TTC27: variants seen among roughly 807,000 people sequenced by gnomAD.
TTC27 encodes tetratricopeptide repeat domain 27.
A neutral mutation model predicts 115.9 loss-of-function variants in TTC27; 79 were observed. The ratio of observed to expected loss-of-function variants is 0.68; its 90% confidence interval spans 0.57 to 0.82. TTC27 has a LOEUF of 0.82. Ranked by LOEUF, TTC27 falls within the 40% of genes least tolerant of loss-of-function variation. The probability of loss-of-function intolerance (pLI) is 0.00; values close to 1 mark genes in which losing one functional copy is unlikely to be tolerated. For synonymous variants in TTC27, 401 were observed against 356.0 expected, an observed-to-expected ratio of 1.13 and a Z score of -1.42; for missense variants, 1,054 against 993.1, an observed-to-expected ratio of 1.06 and a Z score of -0.82.
At chr2:32,739,337 A>G (rs1022473317) in intron 12 of TTC27, among the ~76,000 whole-genome samples, 19 of 152,130 alleles carry the variant, frequency 1.2e-4, no homozygotes, top group Admixed American at 4.6e-4. Flanking sequence ...TGCTCAAAGC[A>G]TATTTTAGAA....
At chr2:32,800,465 G>GC (rs1210761323) in intron 16 of TTC27, among the ~76,000 whole-genome samples, 1 of 151,836 alleles carries the variant, frequency 6.6e-6, no homozygotes, top group African/African-American at 2.4e-5. Flanking sequence ...ACAGGCGTGA[G>GC]CCACTGCACC....
chr2:32,805,300 T>A (rs956723152), intron 16 of TTC27, among the ~76,000 whole-genome samples: 7 of 152,226 alleles, frequency 4.6e-5, no homozygotes, highest in Non-Finnish European at 7.3e-5. Flanking sequence ...GGGCTATATA[T>A]GTAAGAGGTG....
chr2:32,719,419 A>G (rs896226144), intron 10 of TTC27, among the ~76,000 whole-genome samples: 3 of 152,222 alleles, frequency 2.0e-5, no homozygotes, highest in African/African-American at 4.8e-5. Flanking sequence ...TGGGAAACTT[A>G]TATTAGCTCT....
At chr2:32,755,084 C>T (rs1460468755) in intron 12 of TTC27, among the ~76,000 whole-genome samples, 1 of 151,822 alleles carries the variant, frequency 6.6e-6, no homozygotes, top group East Asian at 1.9e-4. Context: ...CAGAGACGCT[C>T]CTCACTTCCT....
chr2:32,647,606 C>T (rs913774274), intron 4 of TTC27, among the ~76,000 whole-genome samples: 3 of 152,140 alleles, frequency 2.0e-5, no homozygotes, highest in Admixed American at 6.6e-5. Flanking sequence ...ACTTTAGAAG[C>T]GAACCAGGCT....
chr2:32,798,316 A>T (rs1460629362), intron 16 of TTC27, among the ~76,000 whole-genome samples: 9 of 149,638 alleles, frequency 6.0e-5, no homozygotes, highest in Admixed American at 6.0e-4. Flanking sequence ...AGGAGAATGG[A>T]GTGGACCCAG....
At chr2:32,653,118 A>G (rs913723081) in intron 5 of TTC27, among the ~76,000 whole-genome samples, 2 of 152,208 alleles carry the variant, frequency 1.3e-5, no homozygotes, top group Non-Finnish European at 2.9e-5. Flanking sequence ...TGATCATGGC[A>G]TCCAGTGCTG....
chr2:32,811,350 T>G lies in TTC27; in HGVS notation c.2196+129T>G, dbSNP rs531985005. The G allele has an allele frequency of 2.4e-5, 21 of 860,166 alleles. No homozygotes were observed. In the African/African-American group the frequency reaches 3.4e-4, roughly 14 times the overall value. The allele number at this position is 860,166 out of a possible 1,614,324, so 53.3% of individuals were successfully genotyped here. A position where few individuals can be genotyped will look rare whatever the true frequency, so the allele number is the denominator to read the frequency against. On this transcript the variant is annotated intron_variant, in intron 17 of 19. Coordinates refer to ENST00000317907, the MANE Select transcript of TTC27 (RefSeq NM_017735.5). ...AGATTAGTATGCTTAAGTTCAGTTC[T>G]GATTCAGTCTTTAACCTACGTACTT...
At chr2:32,686,106 A>G (rs1666619655) in intron 9 of TTC27, among the ~76,000 whole-genome samples, 1 of 152,224 alleles carries the variant, frequency 6.6e-6, no homozygotes, top group African/African-American at 2.4e-5. Context: ...TAAATCAAAT[A>G]TTTACAAATA....
intron 12 of TTC27, among the ~76,000 whole-genome samples, chr2:32,744,139 T>G (rs1668738506): frequency 6.6e-6 from 1 of 152,238 alleles, no homozygotes; most frequent in South Asian, 2.1e-4. Flanking sequence ...GATAAAAGTA[T>G]GTACAGATTC....
rs1668371014 is a variant in TTC27 at position 32,733,853 on chromosome 2, A to C, written c.1259A>C (p.Lys420Thr). The change falls in exon 11 of 20, where the codon AAA (lysine) becomes ACA (threonine). Residue 420 changes from lysine (K) to threonine (T), a missense_variant. Transcript: ENST00000317907. Reference protein sequence around the residue: ...TQALADQFEDKTTSVLERLKI... With the variant: ...TQALADQFEDTTTSVLERLKI... ...GCTCTTGCAGACCAATTTGAAGATA[A>C]AACTACATCTGTATTGGAACGCCTG... The C allele has an allele frequency of 6.2e-7, 1 of 1,611,310 alleles. No homozygotes were observed. The highest frequency in any genetic ancestry group is 1.1e-5 in the South Asian group (1 of 90,668).
chr2:32,652,642 C>G (rs1318067090), intron 5 of TTC27, among the ~76,000 whole-genome samples: 1 of 152,116 alleles, frequency 6.6e-6, no homozygotes, highest in Non-Finnish European at 1.5e-5. Context: ...TTCAGTTTAT[C>G]TAGTCATAAA....
intron 13 of TTC27, among the ~76,000 whole-genome samples, chr2:32,763,490 A>G (rs1449940754): frequency 2.0e-5 from 3 of 152,244 alleles, no homozygotes; most frequent in African/African-American, 4.8e-5. Context: ...TCTAAAGTCA[A>G]ATTGGTATAA....
intron 13 of TTC27, among the ~76,000 whole-genome samples, chr2:32,769,954 A>G (rs950253473): frequency 2.0e-5 from 3 of 152,184 alleles, no homozygotes; most frequent in South Asian, 4.1e-4. Flanking sequence ...GTGCCTGGCA[A>G]TGCTTTTGGG....
intron 2 of TTC27, among the ~76,000 whole-genome samples, chr2:32,632,283 A>G (rs1420433886): frequency 6.6e-6 from 1 of 150,984 alleles, no homozygotes; most frequent in East Asian, 1.9e-4. Flanking sequence ...TGTGGGGATT[A>G]TAGGCATGAG....
At chr2:32,750,583 T>A (rs551040604) in intron 12 of TTC27, among the ~76,000 whole-genome samples, 1 of 152,342 alleles carries the variant, frequency 6.6e-6, no homozygotes, top group East Asian at 1.9e-4. Flanking sequence ...GGGAATTTAC[T>A]TATTTGGAAA....
chr2:32,697,872 C>A (rs1008184074), intron 9 of TTC27, among the ~76,000 whole-genome samples: 1 of 152,086 alleles, frequency 6.6e-6, no homozygotes, highest in Non-Finnish European at 1.5e-5. Flanking sequence ...ATACCTCAGC[C>A]TCCTGAGTGG....
chr2:32,655,573 A>G (rs1665285647), intron 5 of TTC27, among the ~76,000 whole-genome samples: 1 of 152,196 alleles, frequency 6.6e-6, no homozygotes, highest in South Asian at 2.1e-4. Flanking sequence ...CAGGTATAAA[A>G]TAATGTGACG....
intron 9 of TTC27, among the ~76,000 whole-genome samples, chr2:32,682,300 G>A (rs542050156): frequency 1.1e-3 from 169 of 152,158 alleles, no homozygotes; most frequent in African/African-American, 3.8e-3. Context: ...TTTCTCTTCC[G>A]TAAAATGGGG....
Sources: allele counts gnomAD v4.1 joint callset (sites outside exome capture counted in the v4.1 genomes callset), GRCh38; gene constraint gnomAD v4.1.1; transcripts MANE v1.5; gene names NCBI Gene and HGNC (gene_info 2026-07-23, HGNC 2026-07-21).